MTUS2: variants seen among roughly 807,000 people sequenced by gnomAD.
The protein encoded by MTUS2 is microtubule-associated tumor suppressor candidate 2.
MTUS2 carries 40 observed loss-of-function variants against 114.1 expected under a neutral mutation model. The ratio of observed to expected loss-of-function variants is 0.35; its 90% CI spans 0.27 to 0.46. The LOEUF (loss-of-function observed/expected upper bound fraction) is 0.46, where lower values mean the gene tolerates loss of function less well. MTUS2 is among the 20% of genes least tolerant of loss of function. MTUS2 has a pLI of 1.00. For synonymous variants in MTUS2, 688 were observed against 672.0 expected (o/e 1.02, Z -0.37); for missense variants, 1,679 against 1,705.4 (o/e 0.98, Z 0.27).
At chr13:29,090,349 G>A (rs978421969) in intron 4 of MTUS2, among the ~76,000 whole-genome samples, 1 of 152,162 alleles carries the variant, frequency 6.6e-6, no homozygotes, top group Non-Finnish European at 1.5e-5. Flanking sequence ...CACTCTGATG[G>A]GGGCTGCCAG....
intron 2 of MTUS2, among the ~76,000 whole-genome samples, chr13:28,869,951 T>C (rs1877520843): frequency 6.6e-6 from 1 of 152,216 alleles, no homozygotes; most frequent in Non-Finnish European, 1.5e-5. Flanking sequence ...TTGAATGTTA[T>C]GTATAAAATT....
intron 5 of MTUS2, among the ~76,000 whole-genome samples, chr13:29,177,066 A>G (rs1199200205): frequency 6.6e-6 from 1 of 151,126 alleles, no homozygotes; most frequent in African/African-American, 2.5e-5. Flanking sequence ...TTGCTCAGCC[A>G]TCATTTTCAC....
intron 6 of MTUS2, among the ~76,000 whole-genome samples, chr13:29,290,110 A>G (rs1192411023): frequency 6.6e-6 from 1 of 152,218 alleles, no homozygotes; most frequent in Non-Finnish European, 1.5e-5. Context: ...AAGTTAGGGG[A>G]GAAAAAGTGA....
At chr13:29,250,200 T>C (rs1897074067) in intron 5 of MTUS2, among the ~76,000 whole-genome samples, 1 of 152,134 alleles carries the variant, frequency 6.6e-6, no homozygotes, top group Admixed American at 6.5e-5. Flanking sequence ...AGGAATAACA[T>C]GTTCAAGTTG....
At chr13:29,499,477 A>G (rs1484846754) in intron 14 of MTUS2, among the ~76,000 whole-genome samples, 3 of 152,264 alleles carry the variant, frequency 2.0e-5, no homozygotes, top group Non-Finnish European at 2.9e-5. Flanking sequence ...ACAAAAGTAA[A>G]TATGTGTACT....
At chr13:28,894,282 G>T (rs867579088) in intron 2 of MTUS2, among the ~76,000 whole-genome samples, 3 of 38,488 alleles carry the variant, frequency 7.8e-5, no homozygotes, top group African/African-American at 2.1e-4. Flanking sequence ...GAGTTGGTGG[G>T]GGGGGGGGAG....
intron 15 of MTUS2, among the ~76,000 whole-genome samples, chr13:29,502,592 G>A (rs985021417): frequency 2.6e-5 from 4 of 152,248 alleles, no homozygotes; most frequent in Non-Finnish European, 4.4e-5. Context: ...AGGAAGGCCC[G>A]CGGCTCTTCA....
At chr13:29,244,338 T>C (rs1896833228) in intron 5 of MTUS2, among the ~76,000 whole-genome samples, 2 of 152,112 alleles carry the variant, frequency 1.3e-5, no homozygotes. Context: ...GGGCTGGGGT[T>C]TTGTCTAGAA....
intron 5 of MTUS2, among the ~76,000 whole-genome samples, chr13:29,227,981 AT>A (rs1896177170): frequency 6.6e-6 from 1 of 152,136 alleles, no homozygotes; most frequent in Non-Finnish European, 1.5e-5. Context: ...TTTTTCTTAC[AT>A]TTGTGAATTA....
At chr13:28,959,273 G>A (rs1394710788) in intron 2 of MTUS2, among the ~76,000 whole-genome samples, 1 of 152,158 alleles carries the variant, frequency 6.6e-6, no homozygotes, top group Non-Finnish European at 1.5e-5. Context: ...CACCTGTGCC[G>A]GTGAATGTCA....
At chr13:29,324,330 T>C (rs761428320) in intron 6 of MTUS2, among the ~76,000 whole-genome samples, 2 of 152,160 alleles carry the variant, frequency 1.3e-5, no homozygotes, top group Non-Finnish European at 2.9e-5. Context: ...GTCAGGGTCA[T>C]TGGGGTGGCA....
chr13:29,127,349 T>C (rs1281605474), intron 5 of MTUS2, among the ~76,000 whole-genome samples: 2 of 152,228 alleles, frequency 1.3e-5, no homozygotes, highest in East Asian at 1.9e-4. Context: ...TACCCACTTA[T>C]TCACTTGGAT....
At chr13:29,490,591 T>G (rs996790986) in intron 11 of MTUS2, among the ~76,000 whole-genome samples, 1 of 152,276 alleles carries the variant, frequency 6.6e-6, no homozygotes, top group Admixed American at 6.5e-5. Context: ...CGGAACAGAA[T>G]TGTTTCAAAC....
intron 8 of MTUS2, among the ~76,000 whole-genome samples, chr13:29,370,602 C>T (rs1392127694): frequency 6.6e-6 from 1 of 152,128 alleles, no homozygotes; most frequent in African/African-American, 2.4e-5. Flanking sequence ...TTTTGCCTTC[C>T]ATCCTCCCTT....
At chr13:29,122,532 TC>T (rs1486242415) in intron 5 of MTUS2, among the ~76,000 whole-genome samples, 1 of 152,124 alleles carries the variant, frequency 6.6e-6, no homozygotes, top group Non-Finnish European at 1.5e-5. Context: ...TCCCCATGAT[TC>T]AGTTACCTCT....
intron 2 of MTUS2, among the ~76,000 whole-genome samples, chr13:28,939,627 A>G (rs957108035): frequency 1.4e-4 from 21 of 152,260 alleles, no homozygotes; most frequent in Admixed American, 5.9e-4. Flanking sequence ...ATTTTTTGCT[A>G]TTGCAATTTT....
chr13:29,034,151 T>A (rs758300013), intron 4 of MTUS2, 26 bp downstream of exon 4: 4 of 1,612,974 alleles, frequency 2.5e-6, no homozygotes, highest in Non-Finnish European at 2.5e-6. Flanking sequence ...GTTTCTGCCT[T>A]TTCCTGCTGT....
intron 2 of MTUS2, among the ~76,000 whole-genome samples, chr13:28,994,252 C>T (rs1415566204): frequency 3.9e-5 from 6 of 152,120 alleles, no homozygotes; most frequent in Non-Finnish European, 7.4e-5. Flanking sequence ...TATGGCTGCA[C>T]AGTATTCCAT....
chr13:29,244,212 C>CA (rs1423494288), intron 5 of MTUS2, among the ~76,000 whole-genome samples: 2 of 152,088 alleles, frequency 1.3e-5, no homozygotes, highest in Non-Finnish European at 2.9e-5. Context: ...GCAGATGGCC[C>CA]ACCTGTAGTT....
Sources: gnomAD v4.1 joint callset for allele counts (sites outside exome capture counted in the v4.1 genomes callset) on GRCh38, gnomAD v4.1.1 for gene constraint, MANE v1.5 for transcripts, NCBI Gene and HGNC (gene_info 2026-07-23, HGNC 2026-07-21) for gene names.